Variants in SLC4A5 observed in about 807,000 individuals in gnomAD.
SLC4A5 encodes solute carrier family 4 member 5.
SLC4A5 carries 96 observed loss-of-function variants against 120.4 expected under a neutral mutation model. That is an observed-to-expected ratio of 0.80 (90% CI 0.68 to 0.94). The LOEUF is 0.94. Ranked by LOEUF, SLC4A5 falls within the 40% of genes least tolerant of loss-of-function variation. The pLI is 0.00. For synonymous variants in SLC4A5, 550 were observed against 571.1 expected, an observed-to-expected ratio of 0.96 and a Z score of 0.53; for missense variants, 1,259 against 1,459.5, an observed-to-expected ratio of 0.86 and a Z score of 2.24.
chr2:74,262,398 A>G (rs1027788780), intron 10 of SLC4A5, among the ~76,000 whole-genome samples, 166 bp from the exon 11 acceptor site: 7 of 149,812 alleles, frequency 4.7e-5, no homozygotes, highest in Non-Finnish European at 8.9e-5. Flanking sequence ...AAGCAAGTCA[A>G]TAGTCTGAAC....
chr2:74,227,170 C>G, intron 26 of SLC4A5, 40 bp from the exon 27 acceptor site: 1 of 1,558,806 alleles, frequency 6.4e-7, no homozygotes, highest in Non-Finnish European at 8.7e-7. Flanking sequence ...AGCCAGACCC[C>G]GAGGGCCCGC....
At position 74,334,763 on chromosome 2, in the gene SLC4A5, G is replaced by GA. The variant is rs200477728; in HGVS notation, c.-220-587dup. Reference sequence around the variant, plus strand: ...TTTTTTCACTGCAATTTCCTCAACTGAAAAAAAATGCGAATAATAATTATA... The same window carrying GA: ...TTTTTTCACTGCAATTTCCTCAACTGAAAAAAAAATGCGAATAATAATTATA... On this transcript the variant is annotated intron_variant, in intron 3 of 30. Transcript: ENST00000394019. Among the ~76,000 whole-genome samples the GA allele has an allele frequency of 9.4e-3, 1,418 of 150,670 alleles. 30 individuals are homozygous for GA. The highest frequency in any genetic ancestry group is 0.032 in the African/African-American group (1,293 of 41,022).
intron 7 of SLC4A5, among the ~76,000 whole-genome samples, chr2:74,286,549 A>ATC (rs900484435): frequency 2.4e-4 from 37 of 151,078 alleles, no homozygotes; most frequent in African/African-American, 8.0e-4. Context: ...ACTTTTCTTC[A>ATC]TCTCTCTCTC....
At chr2:74,229,246 T>TG (rs1694972849) in intron 25 of SLC4A5, among the ~76,000 whole-genome samples, 1 of 133,916 alleles carries the variant, frequency 7.5e-6, no homozygotes, top group Non-Finnish European at 1.6e-5. Context: ...GATTCGAAGG[T>TG]GTTTTTTTTT....
rs368395316 is a variant in SLC4A5, at chr2:74,284,628, C to T, written c.401+1145G>A. On this transcript the variant is annotated intron_variant, in intron 8 of 30. Coordinates refer to ENST00000394019, the Ensembl canonical transcript of SLC4A5. The stretch of plus-strand genomic sequence containing the variant: ...CTGTCTTCCTGTCCGAAGGTCCCTC[C>T]CGCTGCCTCTTACCATAGCCTTCCT... 5.3e-5 allele frequency among the ~76,000 whole-genome samples: 8 copies of T among 152,084 alleles called. No homozygotes were observed. The East Asian group carries it at 1.2e-3, about 22-fold the overall frequency.
intron 6 of SLC4A5, among the ~76,000 whole-genome samples, chr2:74,309,278 AAAT>A (rs1672737921): frequency 6.6e-6 from 1 of 152,014 alleles, no homozygotes. Flanking sequence ...CATTTGCTGA[AAAT>A]ATTATTCTTC....
intron 19 of SLC4A5, among the ~76,000 whole-genome samples, chr2:74,242,521 G>T (rs1360635820): frequency 6.6e-6 from 1 of 152,078 alleles, no homozygotes; most frequent in Non-Finnish European, 1.5e-5. Flanking sequence ...GGTAACTGAG[G>T]CCCAGAGAGG....
intron 16 of SLC4A5, among the ~76,000 whole-genome samples, chr2:74,251,516 G>T (rs1223995971): frequency 2.0e-5 from 3 of 151,906 alleles, no homozygotes; most frequent in Non-Finnish European, 4.4e-5. Context: ...TTTAAAAAAG[G>T]TACTGTTATT....
chr2:74,278,009 TCTA>T (rs375710789), intron 8 of SLC4A5, among the ~76,000 whole-genome samples: 5 of 152,326 alleles, frequency 3.3e-5, no homozygotes, highest in African/African-American at 1.2e-4. Context: ...GACCATTCTC[TCTA>T]CTTTTTGTGT....
chr2:74,337,305 C>T (rs1673516550), intron 3 of SLC4A5, among the ~76,000 whole-genome samples: 1 of 152,118 alleles, frequency 6.6e-6, no homozygotes, highest in African/African-American at 2.4e-5. Flanking sequence ...TCCACAATAA[C>T]CTGCAGGCAC....
chr2:74,285,511 T>A (rs1421930329), intron 8 of SLC4A5, among the ~76,000 whole-genome samples: 2 of 152,184 alleles, frequency 1.3e-5, no homozygotes, highest in Non-Finnish European at 2.9e-5. Context: ...GGGACAATGG[T>A]ATATGCCCTT....
chr2:74,227,206 T>G, intron 26 of SLC4A5, 76 bp from the exon 27 acceptor site: 1 of 1,474,100 alleles, frequency 6.8e-7, no homozygotes, highest in Non-Finnish European at 9.1e-7. Context: ...GGGGAAGGGG[T>G]GCCTGGGTGG....
intron 5 of SLC4A5, 110 bp downstream of exon 5, chr2:74,328,010 G>C (rs1673258954): frequency 2.2e-6 from 1 of 449,686 alleles, no homozygotes; most frequent in Non-Finnish European, 2.9e-6. Flanking sequence ...CTCCTCTTCA[G>C]TGTGTGTGAA....
chr2:74,228,934 C>T (rs1694953534), intron 25 of SLC4A5, among the ~76,000 whole-genome samples: 1 of 152,052 alleles, frequency 6.6e-6, no homozygotes, highest in African/African-American at 2.4e-5. Context: ...GCTGTTTCTG[C>T]CCCTTACCTT....
rs79732942 is a variant in SLC4A5, at chr2:74,316,403, C to T, written c.-2-1378G>A. ...CCTCCCCACCAACTGAACAGACTCCCTCTTGGCCAAGGGGATCCCAGAGAT... is the reference window on the plus strand; with the variant it reads ...CCTCCCCACCAACTGAACAGACTCCTTCTTGGCCAAGGGGATCCCAGAGAT... On this transcript the variant is annotated intron_variant, in intron 5 of 30. Transcript: ENST00000394019. 5.1e-3 allele frequency among the ~76,000 whole-genome samples: 775 copies of T among 151,486 alleles called. 9 individuals are homozygous for T. Among genetic ancestry groups the T allele is most frequent in the South Asian group, 0.012 (59 of 4,784 alleles).
At position 74,255,758 on chromosome 2, in the gene SLC4A5, GT is replaced by G; in HGVS notation, c.1025+16del. On this transcript the variant is annotated intron_variant, in intron 13 of 30. Transcript: ENST00000394019. This position sits in a 1 kb window ranked among gnomAD's most constrained non-coding sequence, Gnocchi z 4.0. ...CTACCTGAGAGTGGCGTGGGGACAG[GT>G]TTCAATGGCTCTCACCTGGTGGGGA... The G allele has an allele frequency of 6.2e-7, 1 of 1,613,812 alleles. No homozygotes were observed. Among genetic ancestry groups the G allele is most frequent in the Non-Finnish European group, 8.5e-7 (1 of 1,179,776 alleles).
At chr2:74,236,707 C>A (rs1446532485) in intron 21 of SLC4A5, among the ~76,000 whole-genome samples, 1 of 152,152 alleles carries the variant, frequency 6.6e-6, no homozygotes, top group African/African-American at 2.4e-5. Flanking sequence ...ACATCAAAAC[C>A]ATATGAATGC....
intron 8 of SLC4A5, 55 bp from the exon 9 acceptor site, chr2:74,265,319 A>C: frequency 6.3e-7 from 1 of 1,580,766 alleles, no homozygotes; most frequent in Non-Finnish European, 8.6e-7. Context: ...AGGAGGCCTC[A>C]CCTGGGTCTC....
chr2:74,284,698 G>C (rs1465410675), intron 8 of SLC4A5, among the ~76,000 whole-genome samples: 3 of 152,074 alleles, frequency 2.0e-5, no homozygotes, highest in Non-Finnish European at 4.4e-5. Context: ...GAACAGTCCA[G>C]TTAAGTCCCA....
Sources: gnomAD v4.1 joint callset for allele counts (sites outside exome capture counted in the v4.1 genomes callset) on GRCh38, gnomAD v4.1.1 for gene constraint, Gnocchi (gnomAD v3.1) non-coding constraint, MANE v1.5 for transcripts, NCBI Gene and HGNC (gene_info 2026-07-23, HGNC 2026-07-21) for gene names.